The following CUX1 variants were observed in gnomAD, a reference collection of about 807,000 sequenced individuals.
The protein encoded by CUX1 is protein CASP.
CUX1 carries 31 observed loss-of-function variants against 158.8 expected under a neutral mutation model. The ratio of observed to expected loss-of-function variants is 0.20; its 90% CI spans 0.15 to 0.26. The LOEUF is 0.26. CUX1 is among the 10% of genes least tolerant of loss of function. CUX1 has a pLI of 1.00. For synonymous variants in CUX1, 879 were observed against 862.1 expected (o/e 1.02, Z -0.34); for missense variants, 1,589 against 2,014.6 (o/e 0.79, Z 4.04).
intron 3 of CUX1, among the ~76,000 whole-genome samples, chr7:102,032,855 C>T (rs1238142369): frequency 1.3e-5 from 2 of 152,052 alleles, no homozygotes; most frequent in Non-Finnish European, 2.9e-5. Flanking sequence ...GAGGTGTACC[C>T]TTAATATGAA....
At chr7:102,126,284 C>T (rs1554495271) in intron 8 of CUX1, among the ~76,000 whole-genome samples, 1 of 151,748 alleles carries the variant, frequency 6.6e-6, no homozygotes, top group Admixed American at 6.6e-5. Flanking sequence ...AGTGATCCAC[C>T]CGCCTCGGCC....
chr7:101,981,960 A>G (rs892778014), intron 2 of CUX1, among the ~76,000 whole-genome samples: 25 of 152,190 alleles, frequency 1.6e-4, no homozygotes, highest in African/African-American at 5.3e-4. Context: ...GCTCAGCCAC[A>G]TAAGTGGGAG....
chr7:101,837,917 C>T (rs2906745), intron 1 of CUX1, among the ~76,000 whole-genome samples: 26,244 of 149,782 alleles, frequency 0.18, 2,470 homozygotes, highest in African/African-American at 0.23. Context: ...TTCTACACCA[C>T]GTGCAAGAAA....
rs1378614651 is a variant in CUX1 at position 102,254,954 on chromosome 7, A to C, written c.*5912A>C. On this transcript the variant is annotated 3_prime_UTR_variant, in exon 24 of 24. Coordinates refer to ENST00000292535, the MANE Select transcript of CUX1 (RefSeq NM_181552.4). ...TACCCAATAAAGTTTAGAAAGATCC[A>C]GTCTGTGAAACCCTTAGAGATGGGC... The C allele has an allele frequency of 1.0e-6, 1 of 985,388 alleles. No individual in the cohort carries two copies. Among genetic ancestry groups the C allele is most frequent in the Non-Finnish European group, 1.2e-6 (1 of 829,968 alleles). The allele number at this position is 985,388 out of a possible 1,614,324, so 61.0% of individuals were successfully genotyped here.
chr7:101,926,221 C>G (rs895045542), intron 2 of CUX1, among the ~76,000 whole-genome samples: 2 of 152,130 alleles, frequency 1.3e-5, no homozygotes, highest in African/African-American at 2.4e-5. Context: ...TTATAATAAG[C>G]CTTTAACTAG....
intron 18 of CUX1, among the ~76,000 whole-genome samples, chr7:102,203,273 AC>A (rs1350116793): frequency 6.6e-6 from 1 of 152,050 alleles, no homozygotes; most frequent in Non-Finnish European, 1.5e-5. Flanking sequence ...AAGGAGAAGC[AC>A]CCCTCTCCCC....
At chr7:101,883,742 C>A (rs1350541749) in intron 1 of CUX1, among the ~76,000 whole-genome samples, 1 of 151,884 alleles carries the variant, frequency 6.6e-6, no homozygotes, top group Non-Finnish European at 1.5e-5. Flanking sequence ...ATTATAGGCG[C>A]CTGCTACCAT....
chr7:102,221,871 A>T (rs1447059053), intron 20 of CUX1, among the ~76,000 whole-genome samples: 1 of 152,062 alleles, frequency 6.6e-6, no homozygotes, highest in Non-Finnish European at 1.5e-5. Context: ...ACCCATTTTC[A>T]ATTGTCCTGG....
At chr7:102,067,490 C>T (rs1029112097) in intron 3 of CUX1, among the ~76,000 whole-genome samples, 9 of 151,336 alleles carry the variant, frequency 5.9e-5, no homozygotes, top group Non-Finnish European at 1.3e-4. Context: ...CCCACCTCGG[C>T]CTCCCAAAGT....
At chr7:101,817,522 G>C (rs1009457510), upstream of CUX1, 25 of 1,195,234 alleles carry the variant, frequency 2.1e-5, no homozygotes, top group Non-Finnish European at 2.5e-5. The surrounding 1 kb of genome is among the most constrained non-coding windows in gnomAD (Gnocchi z 4.1). Context: ...CGTGCCCAAG[G>C]GGCGAGTGCC....
At chr7:102,217,007 C>T (rs992896997) in intron 20 of CUX1, among the ~76,000 whole-genome samples, 2 of 152,166 alleles carry the variant, frequency 1.3e-5, no homozygotes, top group Non-Finnish European at 2.9e-5. Context: ...GTATGACATA[C>T]ATTTTGTCTT....
intron 1 of CUX1, chr7:101,824,395 C>CTA (rs1793026239): frequency 6.6e-6 from 1 of 152,250 alleles, no homozygotes; most frequent in East Asian, 1.9e-4. Flanking sequence ...GGCCTCCACT[C>CTA]TTTTTAGACA....
At chr7:101,817,375 C>T (rs1791967896), upstream of CUX1, 15 of 984,728 alleles carry the variant, frequency 1.5e-5, no homozygotes, top group Non-Finnish European at 1.7e-5. The surrounding 1 kb of genome is among the most constrained non-coding windows in gnomAD (Gnocchi z 4.1). Flanking sequence ...GAGATGCCTT[C>T]TCGGGCCGGG....
At chr7:101,902,041 T>G (rs2131754210) in intron 1 of CUX1, among the ~76,000 whole-genome samples, 1 of 152,338 alleles carries the variant, frequency 6.6e-6, no homozygotes, top group South Asian at 2.1e-4. Context: ...AGGACTATTT[T>G]GAGACTCAGC....
At position 102,248,874 on chromosome 7, in the gene CUX1, C is replaced by G. The variant is rs782279581; in HGVS notation, c.4350C>G (p.Pro1450=). 3 of 1,341,648 alleles carry G rather than the reference C, an allele frequency of 2.2e-6. No individual in the cohort carries two copies. Among genetic ancestry groups the G allele is most frequent in the South Asian group, 1.6e-5 (1 of 62,646 alleles). The allele number at this position is 1,341,648 out of a possible 1,614,324, so 83.1% of individuals were successfully genotyped here. The change falls in exon 24 of 24, where the codon CCC becomes CCG. Residue 1450 remains proline, a synonymous_variant. Coordinates refer to ENST00000292535, the MANE Select transcript of CUX1 (RefSeq NM_181552.4). The surrounding 1 kb of genome is among the most constrained non-coding windows in gnomAD (Gnocchi z 5.8). ...GCAACAGCAGCAGCAGCAGCGCCCCCCGCAGGCCCAGCTCGCTGCAGAGCC... is the reference window on the plus strand; with the variant it reads ...GCAACAGCAGCAGCAGCAGCGCCCCGCGCAGGCCCAGCTCGCTGCAGAGCC... ...PPSNSSSSSA[P]RRPSSLQSLF... is the part of the protein sequence containing the mutation.
chr7:101,921,450 T>TTA (rs1218484826), intron 2 of CUX1, among the ~76,000 whole-genome samples: 1 of 151,860 alleles, frequency 6.6e-6, no homozygotes, highest in East Asian at 1.9e-4. Context: ...TTTTATTTAT[T>TTA]TATTTATTTA....
chr7:101,985,186 A>G (rs1315646841), intron 2 of CUX1, among the ~76,000 whole-genome samples: 1 of 152,118 alleles, frequency 6.6e-6, no homozygotes, highest in African/African-American at 2.4e-5. Flanking sequence ...GGTTTCTCAC[A>G]GTAACAAATT....
chr7:101,997,595 C>T (rs1451436419), intron 2 of CUX1, among the ~76,000 whole-genome samples: 2 of 152,124 alleles, frequency 1.3e-5, no homozygotes, highest in Non-Finnish European at 2.9e-5. Flanking sequence ...CCTCCCGCCT[C>T]AGCCTCCCAA....
At chr7:101,854,493 T>C (rs1471064623) in intron 1 of CUX1, among the ~76,000 whole-genome samples, 1 of 152,114 alleles carries the variant, frequency 6.6e-6, no homozygotes, top group Admixed American at 6.5e-5. Flanking sequence ...CATTCCCTTA[T>C]CTCTGGGTGG....
Sources: gnomAD v4.1 joint callset for allele counts (sites outside exome capture counted in the v4.1 genomes callset) on GRCh38, gnomAD v4.1.1 for gene constraint, Gnocchi (gnomAD v3.1) non-coding constraint, MANE v1.5 for transcripts, NCBI Gene and HGNC (gene_info 2026-07-23, HGNC 2026-07-21) for gene names.